GALNT17: variants seen among roughly 807,000 people sequenced by gnomAD.
GALNT17 encodes the protein UDP-GalNAc:polypeptide N-acetylgalactosaminyltransferase-like 3.
GALNT17 carries 29 observed loss-of-function variants against 63.7 expected under a neutral mutation model. The observed-to-expected ratio is 0.46, with a 90% CI of 0.34 to 0.62. The LOEUF (loss-of-function observed/expected upper bound fraction) is 0.62. Among genes scored for constraint, GALNT17 ranks in the 20% least tolerant of loss-of-function variants. The probability of loss-of-function intolerance (pLI) is 0.01; values close to 1 mark genes in which losing one functional copy is unlikely to be tolerated. For missense variants in GALNT17, 603 were observed against 799.6 expected (o/e 0.75, Z 2.97); for synonymous variants, 305 against 318.3 (o/e 0.96, Z 0.45).
At chr7:71,519,136 G>A (rs1188299208) in intron 5 of GALNT17, among the ~76,000 whole-genome samples, 1 of 152,160 alleles carries the variant, frequency 6.6e-6, no homozygotes, top group Non-Finnish European at 1.5e-5. Context: ...CTGTGACAAG[G>A]AGAGAAGTGT....
rs1286949673 is a variant in GALNT17, at chr7:71,360,975, C to T, written c.422+25242C>T. Among the ~76,000 whole-genome samples the T allele has an allele frequency of 2.0e-5, 3 of 152,224 alleles. 1 individual carries two copies. The highest frequency in any genetic ancestry group is 2.0e-4 in the Admixed American group (3 of 15,268). ...TCCTTAAAAATAATAATAACTTTCT[C>T]GTAGCTGTATTTCACATCAAGAAAC... On this transcript the variant is annotated intron_variant, in intron 2 of 10. Transcript: ENST00000333538.
intron 1 of GALNT17, among the ~76,000 whole-genome samples, chr7:71,321,898 C>CCTTCCTTCCTTCCTTCCTTT: frequency 2.1e-5 from 2 of 96,126 alleles, no homozygotes; most frequent in Non-Finnish European, 4.2e-5. Flanking sequence ...TTCCTTCCTT[C>CCTTCCTTCCTTCCTTCCTTT]CTTCCTTCCT....
At chr7:71,196,102 C>T (rs1789043696) in intron 1 of GALNT17, among the ~76,000 whole-genome samples, 1 of 152,026 alleles carries the variant, frequency 6.6e-6, no homozygotes, top group Non-Finnish European at 1.5e-5. Context: ...TGTGCCTGTT[C>T]CCTCTCTTGC....
chr7:71,184,283 C>G (rs796545415), intron 1 of GALNT17, among the ~76,000 whole-genome samples: 14 of 152,270 alleles, frequency 9.2e-5, no homozygotes, highest in African/African-American at 3.1e-4. Context: ...TGTGGCATTA[C>G]TCCACGGCAG....
chr7:71,538,674 A>G (rs946982917), intron 5 of GALNT17, among the ~76,000 whole-genome samples: 2 of 152,104 alleles, frequency 1.3e-5, no homozygotes, highest in African/African-American at 2.4e-5. Flanking sequence ...TCCACTGTCA[A>G]ATTAACCCTC....
intron 2 of GALNT17, among the ~76,000 whole-genome samples, chr7:71,386,831 T>C (rs769535455): frequency 1.3e-5 from 2 of 152,104 alleles, no homozygotes; most frequent in Admixed American, 6.6e-5. Context: ...TAGGGTCCTT[T>C]TCCTTGACTA....
chr7:71,605,374 T>C (rs544297944), intron 6 of GALNT17, among the ~76,000 whole-genome samples: 5 of 152,010 alleles, frequency 3.3e-5, no homozygotes, highest in Non-Finnish European at 2.9e-5. Flanking sequence ...GATCACAAGG[T>C]CAAGAGATCG....
rs140539896 is a variant in GALNT17 at position 71,281,554 on chromosome 7, G to A, written c.239-53996G>A. Among the ~76,000 whole-genome samples the A allele has an allele frequency of 1.2e-3, 189 of 152,186 alleles. 2 individuals carry two copies. The South Asian group carries it at 0.02, about 16-fold the overall frequency. On this transcript the variant is annotated intron_variant, in intron 1 of 10. Transcript: ENST00000333538. ...AGAGAGTGCAGCAGGATCCATGGGC[G>A]GCTTCTCCATCCAGCTCTAATGAGC...
At chr7:71,444,300 C>G (rs1439143513) in intron 5 of GALNT17, among the ~76,000 whole-genome samples, 2 of 152,170 alleles carry the variant, frequency 1.3e-5, no homozygotes, top group Non-Finnish European at 2.9e-5. Flanking sequence ...CAGGGAAAAG[C>G]CATCAACAAC....
At chr7:71,475,790 A>G (rs898985875) in intron 5 of GALNT17, among the ~76,000 whole-genome samples, 3 of 152,192 alleles carry the variant, frequency 2.0e-5, no homozygotes, top group Non-Finnish European at 2.9e-5. Context: ...TACTCTATAG[A>G]AACAGGTATC....
At chr7:71,570,114 A>G (rs535777152) in intron 5 of GALNT17, among the ~76,000 whole-genome samples, 119 of 151,210 alleles carry the variant, frequency 7.9e-4, no homozygotes, top group Non-Finnish European at 7.2e-4. Flanking sequence ...GTGGCCTCAC[A>G]TGGTTCTTGT....
At chr7:71,218,879 G>C (rs963194228) in intron 1 of GALNT17, among the ~76,000 whole-genome samples, 3 of 151,972 alleles carry the variant, frequency 2.0e-5, no homozygotes, top group African/African-American at 7.3e-5. Flanking sequence ...ACAAGCTCAG[G>C]GGTCCCACTG....
chr7:71,425,330 C>T (rs1159468376), intron 5 of GALNT17, among the ~76,000 whole-genome samples: 1 of 151,574 alleles, frequency 6.6e-6, no homozygotes, highest in African/African-American at 2.4e-5. Flanking sequence ...TCGAGCAATT[C>T]TTCTGCTTCA....
Position 71,435,004 on chromosome 7 carries a change from C to T in GALNT17, c.962+13899C>T, listed in dbSNP as rs79051658. Among the ~76,000 whole-genome samples, 648 of 152,234 alleles carry T rather than the reference C, an allele frequency of 4.3e-3. 4 individuals are homozygous for T. Among genetic ancestry groups the T allele is most frequent in the Middle Eastern group, 0.014 (4 of 294 alleles). ...GCTTCCATTGAGGGAATTCACATCA[C>T]ACTAGAAGAGGCATTATTATAAAAT... On this transcript the variant is annotated intron_variant, in intron 5 of 10. Transcript: ENST00000333538.
chr7:71,155,589 T>A lies in GALNT17; in HGVS notation c.238+22549T>A, dbSNP rs150861782. ...CGCCCAGCTTCTTCTTTTTTTAAAA[T>A]TCTTTTTTCTTCTATTTATTTATTT... On this transcript the variant is annotated intron_variant, in intron 1 of 10. Transcript: ENST00000333538. Among the ~76,000 whole-genome samples the A allele has an allele frequency of 2.0e-3, 309 of 151,708 alleles. 5 individuals carry two copies. Among genetic ancestry groups the A allele is most frequent in the Middle Eastern group, 0.01 (3 of 294 alleles).
At chr7:71,703,576 G>T (rs1239145535) in intron 9 of GALNT17, among the ~76,000 whole-genome samples, 1 of 152,152 alleles carries the variant, frequency 6.6e-6, no homozygotes, top group African/African-American at 2.4e-5. Context: ...CATGATATTT[G>T]GAGGAGACAA....
chr7:71,260,979 A>G (rs180943839), intron 1 of GALNT17, among the ~76,000 whole-genome samples: 145 of 152,308 alleles, frequency 9.5e-4, no homozygotes, highest in Non-Finnish European at 8.1e-4. Context: ...TATAGAGATG[A>G]CATCCTATTG....
chr7:71,479,741 G>T lies in GALNT17; in HGVS notation c.962+58636G>T, dbSNP rs1220199187. 2.6e-5 allele frequency among the ~76,000 whole-genome samples: 4 copies of T among 152,120 alleles called. No homozygotes were observed. The East Asian group carries it at 7.7e-4, about 29-fold the overall frequency. ...ACATAAGAAAATTGCATTTGAACAG[G>T]CCGGGTCTTGAAAACCAGCTGATGG... On this transcript the variant is annotated intron_variant, in intron 5 of 10. Transcript: ENST00000333538.
At chr7:71,530,826 C>T (rs922857218) in intron 5 of GALNT17, among the ~76,000 whole-genome samples, 14 of 152,048 alleles carry the variant, frequency 9.2e-5, no homozygotes, top group South Asian at 4.1e-4. Context: ...CCTCGGCCTC[C>T]CAAAGCGCTG....
Sources: gnomAD v4.1 joint callset for allele counts (sites outside exome capture counted in the v4.1 genomes callset) on GRCh38, gnomAD v4.1.1 for gene constraint, MANE v1.5 for transcripts, NCBI Gene and HGNC (gene_info 2026-07-23, HGNC 2026-07-21) for gene names.